Variants in DNAH8 observed in about 807,000 individuals in gnomAD.
DNAH8 encodes axonemal beta dynein heavy chain 8.
Under a neutral mutation model 562.1 loss-of-function variants are expected in DNAH8, and 382 were observed. The observed-to-expected ratio is 0.68, with a 90% CI of 0.63 to 0.74. The LOEUF (loss-of-function observed/expected upper bound fraction) is 0.74. Ranked by LOEUF, DNAH8 falls within the 30% of genes least tolerant of loss-of-function variation. The pLI, the probability that DNAH8 is intolerant of heterozygous loss-of-function variation, is 0.00. For missense variants in DNAH8, 5,203 were observed against 5,620.4 expected (o/e 0.93, Z 2.37); for synonymous variants, 1,881 against 1,919.4 (o/e 0.98, Z 0.52).
intron 63 of DNAH8, among the ~76,000 whole-genome samples, chr6:38,907,234 C>T (rs1780546544): frequency 1.3e-5 from 2 of 152,184 alleles, no homozygotes; most frequent in South Asian, 4.1e-4. Flanking sequence ...TGCCAAGGGG[C>T]CATGCAGAAC....
chr6:38,973,725 CG>C lies in DNAH8; in HGVS notation c.12591del (p.Leu4198Ter). The C allele has an allele frequency of 1.2e-6, 2 of 1,609,728 alleles. No individual in the cohort carries two copies. Among genetic ancestry groups the C allele is most frequent in the Non-Finnish European group, 1.7e-6 (2 of 1,178,170 alleles). Reference protein sequence around the residue: ...GLEFMEELLETLITTEASDDS... With the variant: ...GLEFMEELLEXLITTEASDDS... Reference sequence around the variant, plus strand: ...GAATTCATGGAAGAATTACTAGAGACGCTAATTACCACTGAAGCCAGTGATG... The same window carrying C: ...GAATTCATGGAAGAATTACTAGAGACCTAATTACCACTGAAGCCAGTGATG... On this transcript the variant is annotated frameshift_variant, in exon 84 of 93. Coordinates refer to ENST00000327475, the MANE Select transcript of DNAH8 (RefSeq NM_001206927.2). LOFTEE classifies it high-confidence loss of function.
Position 38,935,586 on chromosome 6 carries a change from T to A in DNAH8, c.11458-6T>A, listed in dbSNP as rs2150585934. ...TCCAATGTTATTTTTTGTTTTTTAA[T>A]GACAGGAGTTAGAGGCTGAGAGGGT... On this transcript the variant is annotated splice_polypyrimidine_tract_variant and splice_region_variant and intron_variant, in intron 76 of 92. Transcript: ENST00000327475. 6.3e-7 allele frequency: 1 copy of A among 1,599,620 alleles called. No individual in the cohort carries two copies. Among genetic ancestry groups the A allele is most frequent in the Middle Eastern group, 1.7e-4 (1 of 5,986 alleles).
intron 58 of DNAH8, among the ~76,000 whole-genome samples, chr6:38,894,253 A>C (rs1477517566): frequency 6.6e-6 from 1 of 152,236 alleles, no homozygotes; most frequent in East Asian, 1.9e-4. Context: ...AATTTATAGA[A>C]GATAGCCATT....
rs200097924 is a variant in DNAH8 at position 38,776,217 on chromosome 6, C to CT, written c.1962+282dup. 0.12 allele frequency among the ~76,000 whole-genome samples: 16,922 copies of CT among 137,122 alleles called. 1,860 individuals carry two copies. Among genetic ancestry groups the CT allele is most frequent in the East Asian group, 0.47 (2,188 of 4,696 alleles). 90.0% of individuals were successfully genotyped at this position (137,122 alleles called of 152,430 possible). A position where few individuals can be genotyped will look rare whatever the true frequency, so the allele number is the denominator to read the frequency against. On this transcript the variant is annotated intron_variant, in intron 13 of 92. Coordinates refer to ENST00000327475, the MANE Select transcript of DNAH8 (RefSeq NM_001206927.2). Reference sequence around the variant, plus strand: ...CCAAAGGGCTTTTATAGCTAGGATTCTTTTTTTTTTTTTTTTGTGAGATGG... The same window carrying CT: ...CCAAAGGGCTTTTATAGCTAGGATTCTTTTTTTTTTTTTTTTTGTGAGATGG...
At chr6:38,999,524 G>T (rs1279731524) in intron 88 of DNAH8, among the ~76,000 whole-genome samples, 1 of 151,672 alleles carries the variant, frequency 6.6e-6, no homozygotes, top group Admixed American at 6.6e-5. Context: ...AAAATAATAA[G>T]AAGAATAGTT....
At chr6:38,931,705 TATTG>T in intron 75 of DNAH8, 102 bp from the exon 76 acceptor site, 2 of 607,422 alleles carry the variant, frequency 3.3e-6, no homozygotes, top group African/African-American at 3.8e-5. Flanking sequence ...CTTCCCAATT[TATTG>T]AAGCGTCACA....
At chr6:39,023,742 C>G (rs947616293) in intron 91 of DNAH8, among the ~76,000 whole-genome samples, 2 of 152,270 alleles carry the variant, frequency 1.3e-5, no homozygotes, top group African/African-American at 4.8e-5. Context: ...ATCATGCTGT[C>G]TTTAGGAAGC....
chr6:38,773,895 T>C (rs72849182), intron 12 of DNAH8, among the ~76,000 whole-genome samples: 18,630 of 152,090 alleles, frequency 0.12, 1,391 homozygotes, highest in Admixed American at 0.22. Flanking sequence ...GATTCGAAGT[T>C]GGAATGACCA....
chr6:38,959,338 G>A (rs1762464639), intron 82 of DNAH8, among the ~76,000 whole-genome samples: 1 of 152,110 alleles, frequency 6.6e-6, no homozygotes, highest in Non-Finnish European at 1.5e-5. Flanking sequence ...AAGTCAAATT[G>A]TCCCTATTTG....
At chr6:38,747,384 CTTT>C (rs55729629) in intron 8 of DNAH8, among the ~76,000 whole-genome samples, 76 of 113,730 alleles carry the variant, frequency 6.7e-4, no homozygotes, top group African/African-American at 6.5e-4. Flanking sequence ...TTTTCTTTTT[CTTT>C]TTTTTTTTTT....
intron 61 of DNAH8, among the ~76,000 whole-genome samples, chr6:38,899,009 C>T (rs1779890210): frequency 1.3e-5 from 2 of 152,046 alleles, no homozygotes; most frequent in Admixed American, 1.3e-4. Flanking sequence ...TTACACATAC[C>T]AGGGTGTCAT....
chr6:38,929,622 A>G lies in DNAH8; in HGVS notation c.11230A>G (p.Asn3744Asp), dbSNP rs1213044875. The G allele has an allele frequency of 2.5e-6, 4 of 1,603,810 alleles. No individual in the cohort carries two copies. The African/African-American group carries it at 4.0e-5, about 16-fold the overall frequency. Residue 3744 changes from asparagine to aspartate, a missense_variant, in exon 75 of 93, where the codon AAT (asparagine) becomes GAT (aspartate). By Grantham distance (23) the Asn-to-Asp change is conservative. Coordinates refer to ENST00000327475, the MANE Select transcript of DNAH8 (RefSeq NM_001206927.2). ...TGAAGAGCTGGATCCAGCCTTGGAT[A>G]ATGTATTAGAAAAGAATTTTATTAA... Reference protein sequence around the residue: ...IHEELDPALDNVLEKNFIKSG... With the variant: ...IHEELDPALDDVLEKNFIKSG...
intron 21 of DNAH8, among the ~76,000 whole-genome samples, chr6:38,801,151 A>G (rs570885855): frequency 6.6e-6 from 1 of 152,008 alleles, no homozygotes; most frequent in South Asian, 2.1e-4. Context: ...TTATGCCTAT[A>G]TTTTCCTCTA....
rs1038701571 is a variant in DNAH8, at chr6:38,909,395, G to C, written c.9514-123G>C. ...AACATTAAATTTATATATGACTGCA[G>C]CCCAAGAAGATTCATTTTCAAATCT... On this transcript the variant is annotated intron_variant, in intron 64 of 92. Coordinates refer to ENST00000327475, the MANE Select transcript of DNAH8 (RefSeq NM_001206927.2). The C allele has an allele frequency of 1.4e-4, 112 of 805,324 alleles. No individual in the cohort carries two copies. In the South Asian group the frequency reaches 1.9e-3, roughly 13 times the overall value. The allele number at this position is 805,324 out of a possible 1,614,324, so 49.9% of individuals were successfully genotyped here.
intron 57 of DNAH8, 37 bp downstream of exon 57, chr6:38,887,041 A>G (rs753406424): frequency 4.3e-6 from 6 of 1,405,012 alleles, no homozygotes; most frequent in Non-Finnish European, 6.0e-6. Flanking sequence ...ATTGCATTAC[A>G]TAATGGACAT....
At chr6:38,901,483 G>A (rs1780078712) in intron 62 of DNAH8, among the ~76,000 whole-genome samples, 1 of 152,036 alleles carries the variant, frequency 6.6e-6, no homozygotes, top group Non-Finnish European at 1.5e-5. Flanking sequence ...TTTGTCTTAA[G>A]TCATCTGATC....
At chr6:38,821,630 C>A (rs1245718151) in intron 26 of DNAH8, among the ~76,000 whole-genome samples, 1 of 152,062 alleles carries the variant, frequency 6.6e-6, no homozygotes, top group East Asian at 1.9e-4. Context: ...GTGGTGCAAC[C>A]TCAGCTTACT....
chr6:38,912,020 AAG>A (rs1780943472), intron 66 of DNAH8, among the ~76,000 whole-genome samples: 1 of 152,276 alleles, frequency 6.6e-6, no homozygotes, highest in South Asian at 2.1e-4. Context: ...TAAAAACAAA[AAG>A]AGATTGTGTA....
chr6:38,823,627 T>G lies in DNAH8; in HGVS notation c.3786T>G (p.Phe1262Leu). The change falls in exon 28 of 93, where the codon TTT (phenylalanine) becomes TTG (leucine). Residue 1262 changes from phenylalanine (F) to leucine (L), a missense_variant. Physicochemically the swap from Phe to Leu is conservative, Grantham distance 22. Transcript: ENST00000327475. ...IRSEILHYAT[F>L]EQEIDELKPI... ...CAGAAATTCTACACTATGCTACTTTTGAACAGGAGATTGATGAGTTGAAGC... is the reference window on the plus strand; with the variant it reads ...CAGAAATTCTACACTATGCTACTTTGGAACAGGAGATTGATGAGTTGAAGC... 6.2e-7 allele frequency: 1 copy of G among 1,609,370 alleles called. No individual in the cohort carries two copies. The highest frequency in any genetic ancestry group is 1.1e-5 in the South Asian group (1 of 90,880).
Sources: allele counts gnomAD v4.1 joint callset (sites outside exome capture counted in the v4.1 genomes callset), GRCh38; gene constraint gnomAD v4.1.1; transcripts MANE v1.5; gene names NCBI Gene and HGNC (gene_info 2026-07-23, HGNC 2026-07-21).